NAV2: variants seen among roughly 807,000 people sequenced by gnomAD.
NAV2 encodes neuron navigator 2.
In NAV2, 54 loss-of-function variants were observed where a neutral mutation model predicts 223.2. That is an observed-to-expected ratio of 0.24 (90% confidence interval 0.19 to 0.30). NAV2 has a LOEUF of 0.30. NAV2 is among the 10% of genes least tolerant of loss of function. NAV2 has a pLI of 1.00. For missense variants in NAV2, 2,806 were observed against 3,147.5 expected, an observed-to-expected ratio of 0.89 and a Z score of 2.60; for synonymous variants, 1,279 against 1,239.3, an observed-to-expected ratio of 1.03 and a Z score of -0.67.
chr11:19,551,902 T>G (rs1452491947), intron 1 of NAV2, among the ~76,000 whole-genome samples: 13 of 132,022 alleles, frequency 9.8e-5, no homozygotes, highest in Admixed American at 9.0e-4. Context: ...TCCTCTTCTC[T>G]CTCTCTCTCT....
At chr11:19,422,933 T>G (rs771416189) in intron 1 of NAV2, among the ~76,000 whole-genome samples, 3 of 152,208 alleles carry the variant, frequency 2.0e-5, no homozygotes, top group Non-Finnish European at 4.4e-5. Context: ...TGGATGAGAC[T>G]TCCTCTCTCT....
At chr11:19,533,766 G>T (rs1345097799) in intron 1 of NAV2, among the ~76,000 whole-genome samples, 1 of 129,538 alleles carries the variant, frequency 7.7e-6, no homozygotes, top group Non-Finnish European at 1.5e-5. Context: ...GAGTGCAGTG[G>T]CGGGATCTCG....
intron 1 of NAV2, among the ~76,000 whole-genome samples, chr11:19,497,483 C>G (rs949488952): frequency 6.6e-6 from 1 of 152,218 alleles, no homozygotes; most frequent in East Asian, 1.9e-4. Context: ...AGTGTGGGAG[C>G]CTCCTTAGAG....
intron 7 of NAV2, among the ~76,000 whole-genome samples, chr11:19,936,012 G>A (rs1357953957): frequency 1.4e-5 from 2 of 144,698 alleles, no homozygotes; most frequent in Non-Finnish European, 3.0e-5. Flanking sequence ...GGTGCATGCC[G>A]CCATGCCTGG....
intron 1 of NAV2, among the ~76,000 whole-genome samples, chr11:19,438,378 C>G (rs987578454): frequency 6.6e-6 from 1 of 152,216 alleles, no homozygotes; most frequent in Non-Finnish European, 1.5e-5. Context: ...GCAAGCAGCC[C>G]TATTCTCAAA....
In NAV2 at chr11:19,713,937, C is replaced by G; in HGVS notation, c.242C>G (p.Ser81Trp). ...GGGCTCCCGCTGCGGAAGAGCGGCTCGGTGGAAAACGGGTTCGATACCCAG... is the reference window on the plus strand; with the variant it reads ...GGGCTCCCGCTGCGGAAGAGCGGCTGGGTGGAAAACGGGTTCGATACCCAG... The part of the protein sequence containing the change: ...GEGLPLRKSG[S>W]VENGFDTQIY... Residue 81 changes from serine (S) to tryptophan (W), a missense_variant, in exon 1 of 38, where the codon TCG (serine) becomes TGG (tryptophan). By Grantham distance (177) the Ser-to-Trp change is radical. Coordinates refer to ENST00000349880, the MANE Select transcript of NAV2 (RefSeq NM_145117.5). This position sits in a 1 kb window ranked among gnomAD's most constrained non-coding sequence, Gnocchi z 7.2. 6.2e-7 allele frequency: 1 copy of G among 1,613,292 alleles called. No individual in the cohort carries two copies. The highest frequency in any genetic ancestry group is 1.1e-5 in the South Asian group (1 of 91,066).
intron 1 of NAV2, among the ~76,000 whole-genome samples, chr11:19,492,855 G>A (rs1390182186): frequency 2.6e-5 from 4 of 152,088 alleles, no homozygotes; most frequent in East Asian, 1.9e-4. Flanking sequence ...TATTTTCACC[G>A]AGGGAGGAGA....
chr11:19,743,505 AGTGTAGCTTCAG>A (rs1338094529), intron 1 of NAV2, among the ~76,000 whole-genome samples: 1 of 152,168 alleles, frequency 6.6e-6, no homozygotes, highest in Non-Finnish European at 1.5e-5. Context: ...TGCTCACACA[AGTGTAGCTTCAG>A]GTGGGAATGC....
chr11:20,024,141 G>A (rs115236936), intron 11 of NAV2, among the ~76,000 whole-genome samples: 2 of 152,274 alleles, frequency 1.3e-5, no homozygotes, highest in African/African-American at 4.8e-5. Context: ...TGGATGAAGG[G>A]CGTACTTTGT....
chr11:19,959,606 G>T (rs192056044), intron 10 of NAV2, among the ~76,000 whole-genome samples: 238 of 152,330 alleles, frequency 1.6e-3, no homozygotes, highest in Non-Finnish European at 2.7e-3. Flanking sequence ...CATAATGAGG[G>T]TGTTTCCTAG....
intron 1 of NAV2, among the ~76,000 whole-genome samples, chr11:19,586,796 G>A (rs1049200278): frequency 6.6e-6 from 1 of 152,220 alleles, no homozygotes; most frequent in Admixed American, 6.5e-5. Context: ...CTACTGGGGG[G>A]TGCCTCCCAG....
intron 11 of NAV2, among the ~76,000 whole-genome samples, chr11:19,984,733 C>T (rs771996419): frequency 6.6e-6 from 1 of 152,190 alleles, no homozygotes; most frequent in Non-Finnish European, 1.5e-5. Context: ...TTAGACACCA[C>T]ATGCTAAGTA....
chr11:20,113,581 A>C (rs2062811709), intron 36 of NAV2, among the ~76,000 whole-genome samples: 1 of 152,250 alleles, frequency 6.6e-6, no homozygotes. Flanking sequence ...TGAGAAATAC[A>C]TGACAAGAGA....
intron 6 of NAV2, among the ~76,000 whole-genome samples, chr11:19,927,502 C>T (rs1220507567): frequency 6.6e-6 from 1 of 152,134 alleles, no homozygotes; most frequent in East Asian, 1.9e-4. Flanking sequence ...GACTTGCCTG[C>T]ATCTGGGAGG....
At chr11:19,939,622 T>G in intron 7 of NAV2, 39 bp from the exon 8 acceptor site, 2 of 1,552,610 alleles carry the variant, frequency 1.3e-6, no homozygotes, top group Non-Finnish European at 1.8e-6. Context: ...GGTAGTTGCC[T>G]CTCATGACAA....
chr11:19,523,469 T>C (rs2043738769), intron 1 of NAV2, among the ~76,000 whole-genome samples: 1 of 152,206 alleles, frequency 6.6e-6, no homozygotes, highest in Admixed American at 6.5e-5. Context: ...ATTGATTTGG[T>C]GAGGCAACAT....
intron 6 of NAV2, among the ~76,000 whole-genome samples, chr11:19,906,647 G>T (rs531417075): frequency 1.3e-5 from 2 of 152,172 alleles, no homozygotes; most frequent in African/African-American, 4.8e-5. Context: ...GAACTCACGG[G>T]GGAGAGCAGC....
At chr11:19,900,656 C>G (rs111728165) in intron 6 of NAV2, among the ~76,000 whole-genome samples, 3 of 152,148 alleles carry the variant, frequency 2.0e-5, no homozygotes, top group Non-Finnish European at 1.5e-5. Flanking sequence ...AGGGTTCCCA[C>G]AAGGATTAGG....
chr11:19,602,670 T>C (rs1443658223), intron 1 of NAV2, among the ~76,000 whole-genome samples: 1 of 152,114 alleles, frequency 6.6e-6, no homozygotes, highest in Non-Finnish European at 1.5e-5. Flanking sequence ...CCTTGCCTCT[T>C]CCAGCTCTGG....
Sources: allele counts gnomAD v4.1 joint callset (sites outside exome capture counted in the v4.1 genomes callset), GRCh38; gene constraint gnomAD v4.1.1; non-coding constraint Gnocchi (gnomAD v3.1); transcripts MANE v1.5; gene names NCBI Gene and HGNC (gene_info 2026-07-23, HGNC 2026-07-21).